KLHL42: variants seen among roughly 807,000 people sequenced by gnomAD.
KLHL42 encodes kelch-like protein 42.
Under a neutral mutation model 32.7 loss-of-function variants are expected in KLHL42, and 27 were observed. That is an observed-to-expected ratio of 0.83 (90% confidence interval 0.61 to 1.14). KLHL42 has a LOEUF of 1.14. Among genes scored for constraint, KLHL42 ranks in the 50% most tolerant of loss-of-function variants. The pLI, the probability that KLHL42 is intolerant of heterozygous loss-of-function variation, is 0.00. For synonymous variants in KLHL42, 267 were observed against 248.2 expected, an observed-to-expected ratio of 1.08 and a Z score of -0.71; for missense variants, 491 against 560.8, an observed-to-expected ratio of 0.88 and a Z score of 1.26.
chr12:27,782,374 G>T (rs2098837), intron 1 of KLHL42, among the ~76,000 whole-genome samples: 189 of 152,174 alleles, frequency 1.2e-3, no homozygotes, highest in African/African-American at 4.3e-3. Context: ...AAATGGAAAA[G>T]AATGAAGAAG....
intron 2 of KLHL42, chr12:27,797,139 A>AAC: frequency 4.8e-6 from 2 of 414,770 alleles, no homozygotes; most frequent in Non-Finnish European, 9.5e-6. Context: ...AAAAACAAAA[A>AAC]AAAAACTGGA....
At chr12:27,786,289 A>G (rs1591814410) in intron 1 of KLHL42, among the ~76,000 whole-genome samples, 1 of 152,212 alleles carries the variant, frequency 6.6e-6, no homozygotes, top group African/African-American at 2.4e-5. Context: ...GTACAGTGCT[A>G]CTTTTCAAAA....
rs765023405 is a variant in KLHL42 at position 27,780,372 on chromosome 12, C to T, written c.42C>T (p.Arg14=). The T allele has an allele frequency of 6.3e-7, 1 of 1,582,892 alleles. No individual in the cohort carries two copies. Among genetic ancestry groups the T allele is most frequent in the South Asian group, 1.2e-5 (1 of 86,836 alleles). The change falls in exon 1 of 3, where the codon CGC becomes CGT. Residue 14 remains arginine, a synonymous_variant. Transcript: ENST00000381271. This position sits in a 1 kb window ranked among gnomAD's most constrained non-coding sequence, Gnocchi z 8.8. ...EEMVQIRLED[R]CYPVSKRKLI... is the part of the protein sequence containing the mutation. ...TGGTGCAGATCCGCCTGGAGGACCGCTGCTACCCGGTGAGCAAGAGGAAGC... is the reference window on the plus strand; with the variant it reads ...TGGTGCAGATCCGCCTGGAGGACCGTTGCTACCCGGTGAGCAAGAGGAAGC...
intron 1 of KLHL42, among the ~76,000 whole-genome samples, chr12:27,786,809 G>A (rs1435107537): frequency 1.4e-5 from 2 of 139,530 alleles, no homozygotes; most frequent in Non-Finnish European, 3.0e-5. Flanking sequence ...TGCAAGCTCC[G>A]CGTCCCGTGT....
Position 27,801,811 on chromosome 12 carries a change from G to A in KLHL42, c.*3645G>A, listed in dbSNP as rs1037555763. The A allele has an allele frequency of 6.6e-6, 1 of 152,234 alleles. No homozygotes were observed. Among genetic ancestry groups the A allele is most frequent in the African/African-American group, 2.4e-5 (1 of 41,448 alleles). The allele number at this position is 152,234 out of a possible 1,614,324, so 9.4% of individuals were successfully genotyped here. ...ACTTTGAAAGCAGTGAGCTGATTGA[G>A]CTCCAGTTCTGTGGTTACCAGAAAT... On this transcript the variant is annotated 3_prime_UTR_variant, in exon 3 of 3. Transcript: ENST00000381271.
intron 2 of KLHL42, among the ~76,000 whole-genome samples, chr12:27,795,451 G>A (rs2062214436): frequency 6.6e-6 from 1 of 152,154 alleles, no homozygotes; most frequent in Non-Finnish European, 1.5e-5. Flanking sequence ...CCCATGATGG[G>A]ATGGTTCAGT....
At chr12:27,783,731 G>A (rs1267386591) in intron 1 of KLHL42, among the ~76,000 whole-genome samples, 3 of 152,064 alleles carry the variant, frequency 2.0e-5, no homozygotes, top group Non-Finnish European at 2.9e-5. Flanking sequence ...ACAGGCGCCC[G>A]CTACCACACC....
chr12:27,785,007 A>AT (rs897486857), intron 1 of KLHL42, among the ~76,000 whole-genome samples: 1 of 151,418 alleles, frequency 6.6e-6, no homozygotes, highest in African/African-American at 2.4e-5. Flanking sequence ...CCATGCTGTT[A>AT]TTTTTTCTGC....
chr12:27,784,449 T>C (rs2062163181), intron 1 of KLHL42, among the ~76,000 whole-genome samples: 1 of 151,964 alleles, frequency 6.6e-6, no homozygotes, highest in Non-Finnish European at 1.5e-5. Flanking sequence ...TGTGTATGCA[T>C]GTTTTAAATT....
At position 27,791,517 on chromosome 12, in the gene KLHL42, C is replaced by T. The variant is rs375774562; in HGVS notation, c.873-191C>T. Among the ~76,000 whole-genome samples, 36 of 152,284 alleles carry T rather than the reference C, an allele frequency of 2.4e-4. No individual in the cohort carries two copies. The East Asian group carries it at 4.2e-3, about 18-fold the overall frequency. On this transcript the variant is annotated intron_variant, in intron 1 of 2. Coordinates refer to ENST00000381271, the MANE Select transcript of KLHL42 (RefSeq NM_020782.2). ...TAGTGTTTGGACAGTGTGCCATTCC[C>T]GTGGAATCTTGGGGACAGGAGTGAG...
intron 1 of KLHL42, among the ~76,000 whole-genome samples, chr12:27,788,565 C>A (rs1244599731): frequency 6.6e-6 from 1 of 152,122 alleles, no homozygotes; most frequent in Admixed American, 6.5e-5. Flanking sequence ...CTTTTTAAGC[C>A]ACGCACGGTG....
intron 2 of KLHL42, among the ~76,000 whole-genome samples, chr12:27,796,089 A>G (rs1167438370): frequency 6.6e-6 from 1 of 152,232 alleles, no homozygotes; most frequent in African/African-American, 2.4e-5. Flanking sequence ...CAGTAAAAAG[A>G]AAGAAGGAGA....
At position 27,798,702 on chromosome 12, in the gene KLHL42, C is replaced by G. The variant is rs1008272376; in HGVS notation, c.*536C>G. On this transcript the variant is annotated 3_prime_UTR_variant, in exon 3 of 3. Transcript: ENST00000381271. ...GTTCAGATATTTTGTTTGCACACTA[C>G]TTTTTAGGAAACTTATAATGATGGA... is the stretch of plus-strand genomic sequence containing the variant. The G allele has an allele frequency of 6.6e-6, 1 of 151,982 alleles. No individual in the cohort carries two copies. The highest frequency in any genetic ancestry group is 1.5e-5 in the Non-Finnish European group (1 of 68,416). The allele number at this position is 151,982 out of a possible 1,614,324, so 9.4% of individuals were successfully genotyped here.
chr12:27,789,362 GCAGT>G, intron 1 of KLHL42, among the ~76,000 whole-genome samples: 1 of 152,198 alleles, frequency 6.6e-6, no homozygotes, highest in Admixed American at 6.5e-5. Flanking sequence ...ATAACCTTTA[GCAGT>G]ATGCCTCTTT....
intron 1 of KLHL42, among the ~76,000 whole-genome samples, chr12:27,782,991 C>T (rs2062155596): frequency 1.3e-5 from 2 of 152,046 alleles, no homozygotes; most frequent in African/African-American, 2.4e-5. Context: ...AACCCTTAAA[C>T]AATGTGGGGG....
Position 27,798,717 on chromosome 12 carries a change from A to T in KLHL42, c.*551A>T, listed in dbSNP as rs1317905355. On this transcript the variant is annotated 3_prime_UTR_variant, in exon 3 of 3. Transcript: ENST00000381271. ...TTGCACACTACTTTTTAGGAAACTT[A>T]TAATGATGGAGCCCTACAGTGAATC... 6.6e-6 allele frequency: 1 copy of T among 151,124 alleles called. No homozygotes were observed. The highest frequency in any genetic ancestry group is 1.5e-5 in the Non-Finnish European group (1 of 68,484). The allele number at this position is 151,124 out of a possible 1,614,324, so 9.4% of individuals were successfully genotyped here. A position where few individuals can be genotyped will look rare whatever the true frequency, so the allele number is the denominator to read the frequency against.
intron 1 of KLHL42, among the ~76,000 whole-genome samples, chr12:27,785,872 C>T (rs572490141): frequency 5.9e-5 from 9 of 152,080 alleles, no homozygotes; most frequent in East Asian, 1.9e-4. Flanking sequence ...TTTTATATTT[C>T]GCTTTATTTG....
intron 2 of KLHL42, chr12:27,797,165 T>A (rs1353979603): frequency 2.4e-6 from 1 of 423,936 alleles, no homozygotes; most frequent in African/African-American, 2.1e-5. Flanking sequence ...AATTGCCAAG[T>A]GGTTCTGTGG....
At position 27,801,941 on chromosome 12, in the gene KLHL42, CTG is replaced by C. The variant is rs1303718410; in HGVS notation, c.*3777_*3778del. 1 of 151,978 alleles carries C rather than the reference CTG, an allele frequency of 6.6e-6. No individual in the cohort carries two copies. Among genetic ancestry groups the C allele is most frequent in the East Asian group, 1.9e-4 (1 of 5,164 alleles). 9.4% of individuals were successfully genotyped at this position (151,978 alleles called of 1,614,324 possible). The stretch of plus-strand genomic sequence containing the variant: ...GCTTACGGCCTTATAAAGAGGTTCA[CTG>C]TAATTGTCTTCACCAGGGCGTCCTT... On this transcript the variant is annotated 3_prime_UTR_variant, in exon 3 of 3. Transcript: ENST00000381271.
Sources: allele counts gnomAD v4.1 joint callset (sites outside exome capture counted in the v4.1 genomes callset), GRCh38; gene constraint gnomAD v4.1.1; non-coding constraint Gnocchi (gnomAD v3.1); transcripts MANE v1.5; gene names NCBI Gene and HGNC (gene_info 2026-07-23, HGNC 2026-07-21).